The following RAPGEF4 variants were observed in gnomAD, a reference collection of about 807,000 sequenced individuals.
RAPGEF4 encodes the protein Rap guanine nucleotide exchange factor 4, also known as RAP guanine-nucleotide-exchange factor (GEF) 4.
Under a neutral mutation model 147.9 loss-of-function variants are expected in RAPGEF4, and 66 were observed. The ratio of observed to expected loss-of-function variants is 0.45; its 90% CI spans 0.37 to 0.55. RAPGEF4 has a LOEUF of 0.55. Among genes scored for constraint, RAPGEF4 ranks in the 20% least tolerant of loss-of-function variants. The pLI is 0.00. For synonymous variants in RAPGEF4, 419 were observed against 442.7 expected (o/e 0.95, Z 0.67); for missense variants, 1,071 against 1,257.3 (o/e 0.85, Z 2.24).
chr2:172,921,134 A>G (rs1039962040), intron 5 of RAPGEF4, among the ~76,000 whole-genome samples: 6 of 149,202 alleles, frequency 4.0e-5, no homozygotes, highest in African/African-American at 1.5e-4. Flanking sequence ...TTTTTTTTTT[A>G]GTCAGGGTCT....
rs551544402 is a variant in RAPGEF4 at position 172,855,564 on chromosome 2, T to C, written c.444+41139T>C. 3.9e-5 allele frequency among the ~76,000 whole-genome samples: 6 copies of C among 152,330 alleles called. No individual in the cohort carries two copies. The South Asian group carries it at 1.2e-3, about 32-fold the overall frequency. Reference sequence around the variant, plus strand: ...TATAGATCTGGCTAACCATCTGGTGTCTTTTACCTTCATTCTGGAGAGCTT... The same window carrying C: ...TATAGATCTGGCTAACCATCTGGTGCCTTTTACCTTCATTCTGGAGAGCTT... On this transcript the variant is annotated intron_variant, in intron 4 of 30. Transcript: ENST00000397081.
At chr2:172,895,709 A>G (rs1242668228) in intron 4 of RAPGEF4, among the ~76,000 whole-genome samples, 1 of 152,226 alleles carries the variant, frequency 6.6e-6, no homozygotes, top group Non-Finnish European at 1.5e-5. Context: ...AAGGGCACTC[A>G]GAGATGAGTA....
At chr2:172,814,486 A>T (rs748127413) in intron 4 of RAPGEF4, 61 bp downstream of exon 4, 19 of 1,539,348 alleles carry the variant, frequency 1.2e-5, no homozygotes, top group Non-Finnish European at 1.5e-5. Context: ...GAGCTGCCAC[A>T]TGGATAATGG....
intron 4 of RAPGEF4, among the ~76,000 whole-genome samples, chr2:172,863,297 G>C (rs1205913457): frequency 6.6e-6 from 1 of 152,078 alleles, no homozygotes; most frequent in African/African-American, 2.4e-5. Context: ...CTTATGTAAA[G>C]GGAAAGGGAA....
At chr2:172,926,036 AG>A (rs1491407138) in intron 6 of RAPGEF4, among the ~76,000 whole-genome samples, 1 of 12,398 alleles carries the variant, frequency 8.1e-5, no homozygotes, top group Non-Finnish European at 1.6e-4. Flanking sequence ...GGAGGGACGG[AG>A]GGAGGGAGGG....
chr2:172,813,944 G>T (rs1480325108), intron 3 of RAPGEF4, among the ~76,000 whole-genome samples: 1 of 152,138 alleles, frequency 6.6e-6, no homozygotes, highest in Non-Finnish European at 1.5e-5. Context: ...ATTATGTTGA[G>T]CAAAAAAGAA....
chr2:173,046,267 T>C (rs1219646066), intron 29 of RAPGEF4, among the ~76,000 whole-genome samples: 1 of 152,244 alleles, frequency 6.6e-6, no homozygotes, highest in African/African-American at 2.4e-5. Flanking sequence ...AAATTACTGA[T>C]TTAAACAATT....
chr2:172,774,069 C>T (rs991671168), intron 1 of RAPGEF4, among the ~76,000 whole-genome samples: 2 of 152,190 alleles, frequency 1.3e-5, no homozygotes, highest in African/African-American at 2.4e-5. Flanking sequence ...AAAAGACTTA[C>T]TGTTGCGCTA....
intron 17 of RAPGEF4, 92 bp downstream of exon 17, chr2:173,001,436 C>T (rs1468236751): frequency 5.3e-6 from 8 of 1,512,726 alleles, no homozygotes; most frequent in Non-Finnish European, 6.4e-6. Flanking sequence ...GCAGGTAAGT[C>T]ATGGCCCAGG....
intron 17 of RAPGEF4, among the ~76,000 whole-genome samples, chr2:173,006,085 C>A (rs1694453903): frequency 6.6e-6 from 1 of 152,154 alleles, no homozygotes; most frequent in African/African-American, 2.4e-5. Flanking sequence ...GCTTCCTGGG[C>A]TTTTGGGTGA....
intron 6 of RAPGEF4, among the ~76,000 whole-genome samples, chr2:172,930,427 C>T (rs771582585): frequency 6.6e-6 from 1 of 152,102 alleles, no homozygotes; most frequent in Non-Finnish European, 1.5e-5. Flanking sequence ...ACAGAACTAG[C>T]TTGAGTTTGG....
In RAPGEF4 at chr2:172,797,722, C is replaced by T. The variant is rs1686522873; in HGVS notation, c.297+109C>T. 8.4e-6 allele frequency: 7 copies of T among 829,040 alleles called. No individual in the cohort carries two copies. The East Asian group carries it at 1.9e-4, about 22-fold the overall frequency. 51.4% of individuals were successfully genotyped at this position (829,040 alleles called of 1,614,324 possible). A position where few individuals can be genotyped will look rare whatever the true frequency, so the allele number is the denominator to read the frequency against. ...CATTTTCAAGTCCATTTCCTCTTTC[C>T]CACAATAAGGAGTTCAGCACTGTTT... On this transcript the variant is annotated intron_variant, in intron 3 of 30. Transcript: ENST00000397081.
chr2:173,030,033 A>C (rs1575562245), intron 25 of RAPGEF4, 131 bp from the exon 26 acceptor site: 1 of 610,748 alleles, frequency 1.6e-6, no homozygotes, highest in Non-Finnish European at 2.9e-6. Context: ...ACAGTACATT[A>C]AATCTATCAT....
chr2:172,765,600 T>G (rs74850095), intron 1 of RAPGEF4, among the ~76,000 whole-genome samples: 1,644 of 152,350 alleles, frequency 0.011, 16 homozygotes, highest in South Asian at 0.035. Context: ...ACTATGCCTG[T>G]GCTGAGTATG....
At chr2:172,759,286 G>T (rs1696076125) in intron 1 of RAPGEF4, among the ~76,000 whole-genome samples, 1 of 152,174 alleles carries the variant, frequency 6.6e-6, no homozygotes, top group African/African-American at 2.4e-5. Context: ...AAAAGATTTT[G>T]CATACAAAGT....
intron 4 of RAPGEF4, among the ~76,000 whole-genome samples, chr2:172,843,763 T>TC (rs1312332916): frequency 1.2e-4 from 18 of 152,208 alleles, no homozygotes; most frequent in African/African-American, 3.6e-4. Context: ...AGTCATAATT[T>TC]CATGGATGAG....
chr2:172,897,429 C>T (rs968529911), intron 4 of RAPGEF4, among the ~76,000 whole-genome samples: 1 of 151,982 alleles, frequency 6.6e-6, no homozygotes, highest in Non-Finnish European at 1.5e-5. Flanking sequence ...GACAGGGTCT[C>T]GCTCTGTCAC....
chr2:172,765,146 C>T (rs1306392166), intron 1 of RAPGEF4, among the ~76,000 whole-genome samples: 1 of 152,194 alleles, frequency 6.6e-6, no homozygotes, highest in Admixed American at 6.5e-5. Context: ...ATTGCTGCCT[C>T]CATCATAACA....
intron 29 of RAPGEF4, among the ~76,000 whole-genome samples, chr2:173,046,589 G>T (rs996639255): frequency 6.6e-6 from 1 of 152,164 alleles, no homozygotes; most frequent in Non-Finnish European, 1.5e-5. Context: ...CTTTAGAGAA[G>T]TGAAAAAACA....
Sources: allele counts gnomAD v4.1 joint callset (sites outside exome capture counted in the v4.1 genomes callset), GRCh38; gene constraint gnomAD v4.1.1; transcripts MANE v1.5; gene names NCBI Gene and HGNC (gene_info 2026-07-23, HGNC 2026-07-21).